The following ERBB4 variants were observed in gnomAD, a reference collection of about 807,000 sequenced individuals.
ERBB4 encodes the protein receptor tyrosine-protein kinase erbB-4.
In ERBB4, 42 loss-of-function variants were observed where a neutral mutation model predicts 158.0. The observed-to-expected ratio is 0.27, with a 90% CI of 0.21 to 0.34. The LOEUF is 0.34. Among genes scored for constraint, ERBB4 ranks in the 10% least tolerant of loss-of-function variants. The pLI is 1.00. For synonymous variants in ERBB4, 583 were observed against 558.7 expected, an observed-to-expected ratio of 1.04 and a Z score of -0.61; for missense variants, 1,333 against 1,624.1, an observed-to-expected ratio of 0.82 and a Z score of 3.08.
intron 1 of ERBB4, among the ~76,000 whole-genome samples, chr2:212,428,028 A>G: frequency 6.6e-6 from 1 of 152,138 alleles, no homozygotes; most frequent in East Asian, 1.9e-4. Flanking sequence ...TTGAAGGTGT[A>G]CATAGTAGAA....
intron 2 of ERBB4, among the ~76,000 whole-genome samples, chr2:212,002,342 G>T (rs1363738088): frequency 6.6e-6 from 1 of 152,102 alleles, no homozygotes; most frequent in African/African-American, 2.4e-5. Context: ...TGGATCAGCT[G>T]ATACAAGATA....
At chr2:212,131,412 C>G (rs1011016384) in intron 1 of ERBB4, among the ~76,000 whole-genome samples, 1 of 152,178 alleles carries the variant, frequency 6.6e-6, no homozygotes, top group Non-Finnish European at 1.5e-5. Context: ...CTGTAGTCAT[C>G]TTTTCTCAAA....
At chr2:211,655,296 C>T (rs79960938) in intron 16 of ERBB4, among the ~76,000 whole-genome samples, 3,971 of 152,150 alleles carry the variant, frequency 0.026, 169 homozygotes, top group African/African-American at 0.089. Flanking sequence ...CTCCTTCCCC[C>T]GGGAAGCACG....
intron 1 of ERBB4, among the ~76,000 whole-genome samples, chr2:212,125,768 C>T (rs1406922678): frequency 6.6e-6 from 1 of 152,214 alleles, no homozygotes; most frequent in Non-Finnish European, 1.5e-5. Flanking sequence ...TTTATGGCTG[C>T]ATAGTATTCC....
chr2:212,152,863 C>A (rs1324087329), intron 1 of ERBB4, among the ~76,000 whole-genome samples: 7 of 152,120 alleles, frequency 4.6e-5, no homozygotes, highest in Non-Finnish European at 1.0e-4. Context: ...ATGACATGAT[C>A]TGGTCAACAG....
chr2:212,039,658 C>A (rs2077093188), intron 2 of ERBB4, among the ~76,000 whole-genome samples: 1 of 152,048 alleles, frequency 6.6e-6, no homozygotes, highest in African/African-American at 2.4e-5. Flanking sequence ...TCTGTGATAA[C>A]CATTTTATAT....
chr2:212,044,092 T>A (rs972405086), intron 2 of ERBB4, among the ~76,000 whole-genome samples: 1 of 152,106 alleles, frequency 6.6e-6, no homozygotes, highest in Non-Finnish European at 1.5e-5. Flanking sequence ...GTGCTTTATG[T>A]GCATTGTCTA....
intron 3 of ERBB4, among the ~76,000 whole-genome samples, chr2:211,866,059 G>A (rs1260167811): frequency 6.6e-6 from 1 of 152,112 alleles, no homozygotes; most frequent in Non-Finnish European, 1.5e-5. Flanking sequence ...AGACCATCCT[G>A]GCTAACACAG....
chr2:211,518,582 A>T (rs2066102322), intron 20 of ERBB4, among the ~76,000 whole-genome samples: 1 of 151,908 alleles, frequency 6.6e-6, no homozygotes, highest in South Asian at 2.1e-4. Context: ...TGAACCTGGG[A>T]GGCGGAGGTT....
At chr2:211,815,214 T>C (rs2076857860) in intron 3 of ERBB4, among the ~76,000 whole-genome samples, 1 of 152,222 alleles carries the variant, frequency 6.6e-6, no homozygotes. Flanking sequence ...AGGGTTATTA[T>C]GACAATCTAC....
At chr2:211,825,455 A>G (rs2077081222) in intron 3 of ERBB4, among the ~76,000 whole-genome samples, 1 of 151,938 alleles carries the variant, frequency 6.6e-6, no homozygotes, top group South Asian at 2.1e-4. Flanking sequence ...TGACTTCTAT[A>G]ACTTAGCAAC....
chr2:211,752,416 A>G (rs2075158055), intron 4 of ERBB4, among the ~76,000 whole-genome samples: 1 of 151,238 alleles, frequency 6.6e-6, no homozygotes, highest in African/African-American at 2.4e-5. Context: ...CATTTAATCT[A>G]TGATTTATTT....
At chr2:211,843,340 G>A (rs1439236) in intron 3 of ERBB4, among the ~76,000 whole-genome samples, 33,536 of 151,736 alleles carry the variant, frequency 0.22, 3,837 homozygotes, top group South Asian at 0.33. Context: ...AAGAAGATGC[G>A]TCCTAGAGCT....
intron 3 of ERBB4, among the ~76,000 whole-genome samples, chr2:211,823,658 C>T (rs1368465985): frequency 6.6e-6 from 1 of 151,894 alleles, no homozygotes; most frequent in Non-Finnish European, 1.5e-5. Context: ...AATGTTAATA[C>T]AAATTCATAT....
rs193053959 is a variant in ERBB4, at chr2:211,936,529, A to G, written c.421+10901T>C. Among the ~76,000 whole-genome samples the G allele has an allele frequency of 2.9e-3, 434 of 152,234 alleles. 1 individual carries two copies. Among genetic ancestry groups the G allele is most frequent in the Non-Finnish European group, 5.0e-3 (340 of 67,968 alleles). On this transcript the variant is annotated intron_variant, in intron 3 of 27. Coordinates refer to ENST00000342788, the MANE Select transcript of ERBB4 (RefSeq NM_005235.3). ...CTTACAATAAAATTATAGCTAGAAG[A>G]TATGAAATATGTTATACAGACGGAT... is the stretch of plus-strand genomic sequence containing the variant.
chr2:212,535,203 G>GA (rs1692979027), intron 1 of ERBB4, among the ~76,000 whole-genome samples: 1 of 151,604 alleles, frequency 6.6e-6, no homozygotes, highest in South Asian at 2.1e-4. Context: ...ATATTGTGAA[G>GA]AAAAAAATAA....
At chr2:212,289,928 C>T (rs560136876) in intron 1 of ERBB4, among the ~76,000 whole-genome samples, 1 of 152,170 alleles carries the variant, frequency 6.6e-6, no homozygotes, top group African/African-American at 2.4e-5. Flanking sequence ...ATCTTTCAGC[C>T]TTGCAGAAGT....
At chr2:211,601,066 A>G (rs2068785872) in intron 19 of ERBB4, among the ~76,000 whole-genome samples, 1 of 152,210 alleles carries the variant, frequency 6.6e-6, no homozygotes, top group African/African-American at 2.4e-5. Flanking sequence ...GGACTTGAAA[A>G]TAACATTTAA....
chr2:211,954,162 A>C (rs1461281913), intron 2 of ERBB4, among the ~76,000 whole-genome samples: 1 of 152,052 alleles, frequency 6.6e-6, no homozygotes, highest in African/African-American at 2.4e-5. Flanking sequence ...TTTTTAAAAA[A>C]TTTGATCCTT....
Sources: allele counts gnomAD v4.1 joint callset (sites outside exome capture counted in the v4.1 genomes callset), GRCh38; gene constraint gnomAD v4.1.1; transcripts MANE v1.5; gene names NCBI Gene and HGNC (gene_info 2026-07-23, HGNC 2026-07-21).